The following USP32 variants were observed in gnomAD, a reference collection of about 807,000 sequenced individuals.
USP32 encodes the protein ubiquitin specific peptidase 32, also known as ubiquitin carboxyl-terminal hydrolase 32.
Under a neutral mutation model 204.8 loss-of-function variants are expected in USP32, and 59 were observed. That is an observed-to-expected ratio of 0.29 (90% CI 0.23 to 0.36). The LOEUF is 0.36. Ranked by LOEUF, USP32 falls within the 10% of genes least tolerant of loss-of-function variation. The pLI, the probability that USP32 is intolerant of heterozygous loss-of-function variation, is 1.00. For missense variants in USP32, 1,160 were observed against 1,946.4 expected (o/e 0.60, Z 7.60); for synonymous variants, 517 against 678.4 (o/e 0.76, Z 3.70).
chr17:60,374,296 T>C (rs989934169), intron 1 of USP32, among the ~76,000 whole-genome samples: 5 of 152,154 alleles, frequency 3.3e-5, no homozygotes, highest in African/African-American at 1.2e-4. Flanking sequence ...TGGAAAGTCT[T>C]CAGGGCAATA....
At chr17:60,364,658 G>A (rs2089279213) in intron 1 of USP32, among the ~76,000 whole-genome samples, 1 of 152,190 alleles carries the variant, frequency 6.6e-6, no homozygotes, top group African/African-American at 2.4e-5. Flanking sequence ...TTATGGGCGA[G>A]AGCCACCACA....
chr17:60,402,224 C>A (rs2089941506), intron 1 of USP32, among the ~76,000 whole-genome samples: 1 of 149,200 alleles, frequency 6.7e-6, no homozygotes, highest in African/African-American at 2.5e-5. Flanking sequence ...TCTCCATCCT[C>A]AATATTCCAT....
intron 1 of USP32, among the ~76,000 whole-genome samples, chr17:60,353,694 T>C (rs1159598377): frequency 1.3e-5 from 2 of 152,122 alleles, no homozygotes; most frequent in East Asian, 3.9e-4. Flanking sequence ...TGAGCAGAGA[T>C]TGCACCACTG....
chr17:60,371,499 G>A (rs1256593265), intron 1 of USP32, among the ~76,000 whole-genome samples: 1 of 151,756 alleles, frequency 6.6e-6, no homozygotes, highest in Non-Finnish European at 1.5e-5. Flanking sequence ...AACTTGGGAG[G>A]TGGAGGTTGC....
At chr17:60,186,044 C>T (rs551660373) in intron 29 of USP32, 1 of 159,638 alleles carries the variant, frequency 6.3e-6, no homozygotes, top group South Asian at 2.0e-4. Context: ...CAGAGAGAGA[C>T]CCTGTCTCAA....
intron 12 of USP32, among the ~76,000 whole-genome samples, chr17:60,233,840 AC>A (rs1355108198): frequency 1.3e-5 from 2 of 152,252 alleles, no homozygotes; most frequent in East Asian, 3.9e-4. Flanking sequence ...TACTCCACTT[AC>A]ATTTTTCCCC....
rs559920971 is a variant in USP32 at position 60,342,710 on chromosome 17, C to T, written c.186+2771G>A. On this transcript the variant is annotated intron_variant, in intron 2 of 33. Coordinates refer to ENST00000300896, the MANE Select transcript of USP32 (RefSeq NM_032582.4). ...GCTGCGCTAACAGTGAGCAAGGCTC[C>T]GTGGGCATGGGACCCGCTGAGTCAG... Among the ~76,000 whole-genome samples, 29 of 152,326 alleles carry T rather than the reference C, an allele frequency of 1.9e-4. No homozygotes were observed. The South Asian group carries it at 3.7e-3, about 20-fold the overall frequency.
intron 1 of USP32, among the ~76,000 whole-genome samples, chr17:60,374,942 T>A (rs1358390060): frequency 1.3e-5 from 2 of 152,114 alleles, no homozygotes; most frequent in African/African-American, 4.8e-5. Context: ...AAAAGCAAGA[T>A]ACAAAATTTT....
intron 32 of USP32, 88 bp downstream of exon 32, chr17:60,181,236 C>A: frequency 6.7e-7 from 1 of 1,487,430 alleles, no homozygotes; most frequent in Non-Finnish European, 9.1e-7. Context: ...ATAAGCAGGA[C>A]CTGAAAAAAA....
chr17:60,255,161 T>C lies in USP32; in HGVS notation c.1074+14A>G. The C allele has an allele frequency of 6.2e-7, 1 of 1,601,040 alleles. No individual in the cohort carries two copies. The highest frequency in any genetic ancestry group is 8.5e-7 in the Non-Finnish European group (1 of 1,169,988). On this transcript the variant is annotated intron_variant, in intron 10 of 33. Coordinates refer to ENST00000300896, the MANE Select transcript of USP32 (RefSeq NM_032582.4). ...ACTACTACCCTCTGTTGCTGTCATT[T>C]ACCTTAAACATACCTGGAAAAGGAG...
chr17:60,397,562 T>C (rs2089908456), intron 1 of USP32, among the ~76,000 whole-genome samples: 2 of 152,128 alleles, frequency 1.3e-5, no homozygotes, highest in African/African-American at 4.8e-5. Context: ...GGGTGTTGTT[T>C]TGTTGCCCAG....
intron 3 of USP32, among the ~76,000 whole-genome samples, chr17:60,298,745 CAATACAT>C (rs1404131354): frequency 1.3e-5 from 2 of 152,082 alleles, no homozygotes; most frequent in Non-Finnish European, 2.9e-5. Flanking sequence ...AATTATATTC[CAATACAT>C]AAAACTGGGT....
intron 1 of USP32, among the ~76,000 whole-genome samples, chr17:60,355,887 T>TAAAAAAA (rs58715953): frequency 1.9e-5 from 1 of 51,506 alleles, no homozygotes; most frequent in Non-Finnish European, 3.9e-5. Flanking sequence ...TGAACCTCTG[T>TAAAAAAA]AAAAAAAAAA....
chr17:60,232,176 T>C (rs948281072), intron 12 of USP32, among the ~76,000 whole-genome samples: 12 of 142,382 alleles, frequency 8.4e-5, no homozygotes, highest in African/African-American at 2.4e-4. Flanking sequence ...TTCTTTTTTT[T>C]TTTTTTTTTT....
intron 1 of USP32, chr17:60,421,319 T>C (rs2090110861): frequency 1.0e-6 from 1 of 955,738 alleles, no homozygotes; most frequent in African/African-American, 1.8e-5. Flanking sequence ...GTTAAAAAGT[T>C]TCTGGACTCA....
At chr17:60,229,056 A>AT (rs568222161) in intron 12 of USP32, among the ~76,000 whole-genome samples, 1 of 151,082 alleles carries the variant, frequency 6.6e-6, no homozygotes, top group Non-Finnish European at 1.5e-5. Context: ...ATGCTTTTTG[A>AT]TTTTTTTAGT....
intron 9 of USP32, chr17:60,256,603 G>A (rs998143894): frequency 1.7e-5 from 14 of 843,788 alleles, no homozygotes; most frequent in African/African-American, 1.8e-5. Context: ...CAGGTACTCC[G>A]GTTTCCTCCC....
intron 9 of USP32, 40 bp from the exon 10 acceptor site, chr17:60,255,298 C>CA: frequency 1.8e-6 from 2 of 1,100,790 alleles, no homozygotes; most frequent in Non-Finnish European, 2.5e-6. Context: ...TCTTTTTTTT[C>CA]TTTTTTTTTT....
chr17:60,213,594 G>A lies in USP32; in HGVS notation c.2091C>T (p.His697=). 7.6e-7 allele frequency: 1 copy of A among 1,323,610 alleles called. No individual in the cohort carries two copies. Among genetic ancestry groups the A allele is most frequent in the Non-Finnish European group, 1.0e-6 (1 of 972,046 alleles). 82.0% of individuals were successfully genotyped at this position (1,323,610 alleles called of 1,614,324 possible). The part of the protein sequence containing the change: ...LEYLKIQDEQ[H]LVIEVRNKDM... ...TCCATCTTGTACCTTCAATTACCAG[G>A]TGTTGTTCATCCTGGATTTTCAAAT... Residue 697 remains histidine (H), a synonymous_variant, in exon 18 of 34, where the codon CAC becomes CAT. Coordinates refer to ENST00000300896, the MANE Select transcript of USP32 (RefSeq NM_032582.4).
Sources: gnomAD v4.1 joint callset for allele counts (sites outside exome capture counted in the v4.1 genomes callset) on GRCh38, gnomAD v4.1.1 for gene constraint, MANE v1.5 for transcripts, NCBI Gene and HGNC (gene_info 2026-07-23, HGNC 2026-07-21) for gene names.